GALK2: variants seen among roughly 807,000 people sequenced by gnomAD.
GALK2 encodes galactokinase 2, also known as N-acetylgalactosamine kinase.
In GALK2, 36 loss-of-function variants were observed where a neutral mutation model predicts 52.4. The observed-to-expected ratio is 0.69, with a 90% CI of 0.53 to 0.91. The LOEUF is 0.91. Ranked by LOEUF, GALK2 falls within the 40% of genes least tolerant of loss-of-function variation. The pLI is 0.00. For synonymous variants in GALK2, 176 were observed against 199.1 expected (o/e 0.88, Z 0.98); for missense variants, 579 against 559.1 (o/e 1.04, Z -0.36).
At chr15:49,238,879 A>G (rs1450180906) in intron 4 of GALK2, among the ~76,000 whole-genome samples, 2 of 152,172 alleles carry the variant, frequency 1.3e-5, no homozygotes, top group African/African-American at 4.8e-5. Context: ...TTGGATTATA[A>G]TTGTTTTATA....
chr15:49,353,937 C>G (rs1009047559), intron 3 of GALK2: 34 of 152,008 alleles, frequency 2.2e-4, no homozygotes, highest in Non-Finnish European at 1.5e-5. Context: ...TTGTTATTCA[C>G]ATATTGGTTA....
chr15:49,291,495 G>C (rs755449292), intron 7 of GALK2, among the ~76,000 whole-genome samples: 1 of 151,950 alleles, frequency 6.6e-6, no homozygotes, highest in Non-Finnish European at 1.5e-5. Flanking sequence ...GTTTCTTTTT[G>C]CTGCTTAAAA....
At chr15:49,240,066 T>C (rs2091017985) in intron 5 of GALK2, among the ~76,000 whole-genome samples, 1 of 152,210 alleles carries the variant, frequency 6.6e-6, no homozygotes, top group Admixed American at 6.5e-5. Context: ...ATGCTTAGTC[T>C]CTTTTAAGCA....
chr15:49,171,842 G>A (rs761947835), intron 1 of GALK2, among the ~76,000 whole-genome samples: 6 of 150,434 alleles, frequency 4.0e-5, no homozygotes, highest in Non-Finnish European at 8.8e-5. Flanking sequence ...CGCAGTCTCC[G>A]CTCACTGCAA....
chr15:49,247,733 C>A (rs1425854158), intron 5 of GALK2, among the ~76,000 whole-genome samples: 1 of 152,172 alleles, frequency 6.6e-6, no homozygotes, highest in Non-Finnish European at 1.5e-5. Flanking sequence ...GCAGAGTGAA[C>A]CCATAAGTGT....
chr15:49,329,060 G>A lies in GALK2; in HGVS notation c.*901G>A. On this transcript the variant is annotated 3_prime_UTR_variant, in exon 10 of 10. Coordinates refer to ENST00000560031, the MANE Select transcript of GALK2 (RefSeq NM_002044.4). ...TTTCTCAAATACCTCTCTAATCCAA[G>A]AGGCACTTCCAAGAAATTCCACACA... is the stretch of plus-strand genomic sequence containing the variant. 1 of 997,506 alleles carries A rather than the reference G, an allele frequency of 1.0e-6. No individual in the cohort carries two copies. Among genetic ancestry groups the A allele is most frequent in the Non-Finnish European group, 1.2e-6 (1 of 837,320 alleles). 61.8% of individuals were successfully genotyped at this position (997,506 alleles called of 1,614,324 possible).
At chr15:49,219,528 G>T (rs1369852944) in intron 3 of GALK2, among the ~76,000 whole-genome samples, 2 of 152,274 alleles carry the variant, frequency 1.3e-5, no homozygotes, top group East Asian at 3.9e-4. Flanking sequence ...AAATTTTCTG[G>T]CTGGGCACGG....
In GALK2 at chr15:49,319,819, G is replaced by GT; in HGVS notation, c.1169+15dup. ...GGACATCTGTCGGTGAGGCAGCCTG[G>GT]TGGGGGCCAAGGGATGCCATCAAAT... On this transcript the variant is annotated intron_variant, in intron 9 of 9. Coordinates refer to ENST00000560031, the MANE Select transcript of GALK2 (RefSeq NM_002044.4). The GT allele has an allele frequency of 6.2e-7, 1 of 1,610,088 alleles. No individual in the cohort carries two copies. Among genetic ancestry groups the GT allele is most frequent in the Non-Finnish European group, 8.5e-7 (1 of 1,177,628 alleles).
intron 8 of GALK2, among the ~76,000 whole-genome samples, chr15:49,295,963 A>G (rs2141840030): frequency 6.6e-6 from 1 of 152,274 alleles, no homozygotes; most frequent in East Asian, 1.9e-4. Flanking sequence ...GAAAATACAA[A>G]GAGCAATTTG....
At chr15:49,266,038 A>G (rs936214808) in intron 5 of GALK2, among the ~76,000 whole-genome samples, 7 of 152,116 alleles carry the variant, frequency 4.6e-5, no homozygotes, top group Non-Finnish European at 8.8e-5. Context: ...AATTCTGTCT[A>G]TTTTGTCTGG....
Position 49,256,752 on chromosome 15 carries a change from T to C in GALK2, c.504+17385T>C, listed in dbSNP as rs550464273. ...TAACTTTTAACTTCACTATAGCGCT[T>C]CTTAGTTTGTATTGTAAAGATGTTT... On this transcript the variant is annotated intron_variant, in intron 5 of 9. Transcript: ENST00000560031. Among the ~76,000 whole-genome samples the C allele has an allele frequency of 5.9e-5, 9 of 152,236 alleles. 1 individual carries two copies. The highest frequency in any genetic ancestry group is 2.2e-4 in the African/African-American group (9 of 41,554).
At chr15:49,355,434 G>A (rs1403514398) in intron 3 of GALK2, among the ~76,000 whole-genome samples, 3 of 152,312 alleles carry the variant, frequency 2.0e-5, no homozygotes, top group Admixed American at 6.5e-5. Context: ...CGAGAACTAC[G>A]TGAAGAATGC....
Position 49,217,280 on chromosome 15 carries a change from C to A in GALK2, c.233C>A (p.Ala78Asp), listed in dbSNP as rs777144504. Residue 78 changes from alanine to aspartate, a missense_variant, in exon 3 of 10, where the codon GCT becomes GAT. Ala to Asp is a moderately radical substitution (Grantham distance 126, BLOSUM62 -2). Transcript: ENST00000560031. ...LIAVEPVKTY[A>D]LQLANTNPLY... ...GCTGTAGAACCTGTGAAAACGTACG[C>A]TCTCCAACTGGCCAATACAAATCCC... 3 of 1,613,784 alleles carry A rather than the reference C, an allele frequency of 1.9e-6. No homozygotes were observed. In the African/African-American group the frequency reaches 4.0e-5, roughly 22 times the overall value.
intron 1 of GALK2, among the ~76,000 whole-genome samples, chr15:49,192,806 T>C (rs1174730425): frequency 6.6e-6 from 1 of 151,814 alleles, no homozygotes; most frequent in African/African-American, 2.4e-5. Flanking sequence ...TTCATATGTT[T>C]AAGGGCCTTT....
At chr15:49,217,517 C>T (rs1188710569) in intron 3 of GALK2, among the ~76,000 whole-genome samples, 1 of 152,188 alleles carries the variant, frequency 6.6e-6, no homozygotes, top group East Asian at 1.9e-4. Flanking sequence ...AAAGACTTAT[C>T]ATGTGCTAGA....
chr15:49,249,026 A>T (rs951381758), intron 5 of GALK2, among the ~76,000 whole-genome samples: 1 of 148,754 alleles, frequency 6.7e-6, no homozygotes. Context: ...CCAGATTTTG[A>T]CTTGCACCCT....
intron 5 of GALK2, among the ~76,000 whole-genome samples, chr15:49,247,480 G>A (rs2091405917): frequency 6.6e-6 from 1 of 152,130 alleles, no homozygotes; most frequent in South Asian, 2.1e-4. Context: ...AAGACAAATG[G>A]TCAATGCCCT....
At chr15:49,302,368 G>A (rs145519029) in intron 8 of GALK2, among the ~76,000 whole-genome samples, 62 of 152,266 alleles carry the variant, frequency 4.1e-4, no homozygotes, top group African/African-American at 1.4e-3. Context: ...AGATAAGACT[G>A]TGTGGCATCT....
At chr15:49,233,807 C>A (rs373902478) in intron 3 of GALK2, among the ~76,000 whole-genome samples, 1 of 152,100 alleles carries the variant, frequency 6.6e-6, no homozygotes, top group African/African-American at 2.4e-5. Flanking sequence ...CTATCAAATG[C>A]GGACTTTTAG....
Sources: gnomAD v4.1 joint callset for allele counts (sites outside exome capture counted in the v4.1 genomes callset) on GRCh38, gnomAD v4.1.1 for gene constraint, MANE v1.5 for transcripts, NCBI Gene and HGNC (gene_info 2026-07-23, HGNC 2026-07-21) for gene names.